GAS7: variants seen among roughly 807,000 people sequenced by gnomAD.
GAS7 encodes the protein growth arrest-specific protein 7.
GAS7 carries 28 observed loss-of-function variants against 71.1 expected under a neutral mutation model. The ratio of observed to expected loss-of-function variants is 0.39; its 90% CI spans 0.29 to 0.54. The LOEUF is 0.54. Ranked by LOEUF, GAS7 falls within the 20% of genes least tolerant of loss-of-function variation. GAS7 has a pLI of 0.62. For missense variants in GAS7, 436 were observed against 627.8 expected (o/e 0.69, Z 3.27); for synonymous variants, 258 against 245.8 (o/e 1.05, Z -0.46).
intron 1 of GAS7, among the ~76,000 whole-genome samples, chr17:10,022,117 T>C (rs1446573661): frequency 2.0e-5 from 3 of 151,910 alleles, no homozygotes; most frequent in Non-Finnish European, 2.9e-5. Context: ...ATTAGCCGGG[T>C]GTGGTGGCAT....
At chr17:10,068,858 G>T (rs1183981830) in intron 1 of GAS7, among the ~76,000 whole-genome samples, 2 of 152,066 alleles carry the variant, frequency 1.3e-5, no homozygotes, top group Non-Finnish European at 2.9e-5. Flanking sequence ...AGAAAACCAG[G>T]CGCAAGTTCA....
chr17:9,925,889 G>A (rs776895265), intron 10 of GAS7, among the ~76,000 whole-genome samples: 1 of 152,106 alleles, frequency 6.6e-6, no homozygotes, highest in South Asian at 2.1e-4. Flanking sequence ...TGGGGACCTA[G>A]GCAGTCCTAA....
chr17:9,916,951 C>T lies in GAS7; in HGVS notation c.*277G>A, dbSNP rs1185614688. 1 of 525,686 alleles carries T rather than the reference C, an allele frequency of 1.9e-6. No individual in the cohort carries two copies. The highest frequency in any genetic ancestry group is 3.4e-6 in the Non-Finnish European group (1 of 295,094). 32.6% of individuals were successfully genotyped at this position (525,686 alleles called of 1,614,324 possible). A position where few individuals can be genotyped will look rare whatever the true frequency, so the allele number is the denominator to read the frequency against. On this transcript the variant is annotated 3_prime_UTR_variant, in exon 14 of 14. Coordinates refer to ENST00000432992, the MANE Select transcript of GAS7 (RefSeq NM_201433.2). ...AAACTCGGCAAGGACCACAAAGTTC[C>T]AGCCTCTGTTTGTTTCAGAGCGGCA... is the stretch of plus-strand genomic sequence containing the variant.
intron 1 of GAS7, among the ~76,000 whole-genome samples, chr17:10,153,639 CT>C (rs2074184211): frequency 6.6e-6 from 1 of 151,914 alleles, no homozygotes; most frequent in Non-Finnish European, 1.5e-5. Flanking sequence ...TAGTATTGTT[CT>C]TTTAAATTAT....
intron 5 of GAS7, among the ~76,000 whole-genome samples, chr17:9,957,049 G>T (rs2069271246): frequency 1.3e-5 from 2 of 152,188 alleles, no homozygotes; most frequent in African/African-American, 2.4e-5. Context: ...AGGAGACCTG[G>T]GTTCAAGTCC....
chr17:10,004,879 G>A (rs555814090), intron 2 of GAS7, among the ~76,000 whole-genome samples: 9 of 152,154 alleles, frequency 5.9e-5, no homozygotes, highest in Admixed American at 1.3e-4. Context: ...GTGTGGTGGC[G>A]CATGCCTGTA....
chr17:9,973,483 A>G (rs2070057060), intron 3 of GAS7, among the ~76,000 whole-genome samples: 1 of 151,954 alleles, frequency 6.6e-6, no homozygotes. Context: ...CAAACTCCTG[A>G]CCTCAAGTGA....
intron 6 of GAS7, among the ~76,000 whole-genome samples, chr17:9,943,478 C>A (rs915610014): frequency 1.3e-5 from 2 of 152,202 alleles, no homozygotes; most frequent in African/African-American, 2.4e-5. Context: ...CCCCTTAACT[C>A]TCCCAACCTG....
chr17:10,178,209 C>T (rs981177681), intron 1 of GAS7, among the ~76,000 whole-genome samples: 9 of 152,198 alleles, frequency 5.9e-5, no homozygotes, highest in African/African-American at 1.9e-4. Flanking sequence ...CTCAGCTCCC[C>T]TGCCTCTCCC....
chr17:10,171,215 C>T (rs1002262232), intron 1 of GAS7, among the ~76,000 whole-genome samples: 3 of 152,080 alleles, frequency 2.0e-5, no homozygotes, highest in East Asian at 3.9e-4. Context: ...ACATCTTGAC[C>T]GAATTTCCTC....
In GAS7 at chr17:9,934,651, T is replaced by G. The variant is rs201403386; in HGVS notation, c.807-407A>C. ...CCAGAGCTTTCACATCACCCCTCCC[T>G]GGTTTGCTGATGAGGGGTGCAAGCA... On this transcript the variant is annotated intron_variant, in intron 8 of 13. Transcript: ENST00000432992. Among the ~76,000 whole-genome samples, 31 of 152,320 alleles carry G rather than the reference T, an allele frequency of 2.0e-4. No individual in the cohort carries two copies. The East Asian group carries it at 5.6e-3, about 28-fold the overall frequency.
chr17:10,126,114 C>T (rs2073944421), intron 1 of GAS7, among the ~76,000 whole-genome samples: 1 of 152,154 alleles, frequency 6.6e-6, no homozygotes, highest in African/African-American at 2.4e-5. Context: ...ATTTGGGTTC[C>T]CTGGCCACCA....
intron 1 of GAS7, among the ~76,000 whole-genome samples, chr17:10,112,956 A>G (rs1188469933): frequency 1.3e-5 from 2 of 152,106 alleles, no homozygotes; most frequent in African/African-American, 2.4e-5. Flanking sequence ...CTATATGTAA[A>G]ACAACCGACT....
chr17:10,075,721 G>A (rs144992150), intron 1 of GAS7, among the ~76,000 whole-genome samples: 1 of 151,750 alleles, frequency 6.6e-6, no homozygotes, highest in East Asian at 2.0e-4. Flanking sequence ...CTTGGGACCA[G>A]GAGATTGAGG....
chr17:10,043,527 G>A (rs536066175), intron 1 of GAS7, among the ~76,000 whole-genome samples: 52 of 152,274 alleles, frequency 3.4e-4, no homozygotes, highest in East Asian at 1.5e-3. Flanking sequence ...AAGCCTTAGC[G>A]ATAACCTAAA....
intron 1 of GAS7, among the ~76,000 whole-genome samples, chr17:10,064,168 G>A (rs913524916): frequency 6.6e-6 from 1 of 152,166 alleles, no homozygotes; most frequent in Non-Finnish European, 1.5e-5. Context: ...ACCTTCTGGG[G>A]CCTCCCAGAT....
intron 1 of GAS7, among the ~76,000 whole-genome samples, chr17:10,191,606 G>A (rs958386141): frequency 4.0e-5 from 6 of 148,994 alleles, no homozygotes; most frequent in African/African-American, 1.5e-4. Context: ...GCTGGGCACG[G>A]TGGCTCACGC....
chr17:10,181,054 T>TG (rs2074410307), intron 1 of GAS7, among the ~76,000 whole-genome samples: 1 of 31,328 alleles, frequency 3.2e-5, no homozygotes, highest in Non-Finnish European at 6.4e-5. Context: ...TGGCGGGGGG[T>TG]GGGGGGTGGC....
chr17:9,939,770 C>A (rs555886357), intron 8 of GAS7, among the ~76,000 whole-genome samples: 1 of 152,144 alleles, frequency 6.6e-6, no homozygotes, highest in African/African-American at 2.4e-5. Context: ...TCACCATGCC[C>A]GGCTAATTCT....
Sources: gnomAD v4.1 joint callset for allele counts (sites outside exome capture counted in the v4.1 genomes callset) on GRCh38, gnomAD v4.1.1 for gene constraint, MANE v1.5 for transcripts, NCBI Gene and HGNC (gene_info 2026-07-23, HGNC 2026-07-21) for gene names.